Variants in IL1RAPL1 observed in about 807,000 individuals in gnomAD.
The protein encoded by IL1RAPL1 is interleukin 1 receptor accessory protein like 1, also known as interleukin-1 receptor accessory protein-like 1.
A neutral mutation model predicts 48.4 loss-of-function variants in IL1RAPL1; 3 were observed. That is an observed-to-expected ratio of 0.06 (90% CI 0.03 to 0.16). The LOEUF (loss-of-function observed/expected upper bound fraction) is 0.16, where lower values mean the gene tolerates loss of function less well. Ranked by LOEUF, IL1RAPL1 falls within the 10% of genes least tolerant of loss-of-function variation. The pLI, the probability that IL1RAPL1 is intolerant of heterozygous loss-of-function variation, is 1.00. For synonymous variants in IL1RAPL1, 185 were observed against 187.7 expected (o/e 0.99, Z 0.12); for missense variants, 349 against 530.6 (o/e 0.66, Z 3.36).
intron 6 of IL1RAPL1, among the ~76,000 whole-genome samples, chrX:29,728,561 T>A (rs772410802): frequency 4.8e-4 from 54 of 112,311 alleles, no homozygotes; most frequent in Non-Finnish European, 9.4e-4. Flanking sequence ...GGCACTGTGC[T>A]GCTTTACAGA....
At chrX:29,112,087 G>T (rs1287690807) in intron 2 of IL1RAPL1, among the ~76,000 whole-genome samples, 7 of 108,465 alleles carry the variant, frequency 6.5e-5, no homozygotes, top group African/African-American at 2.3e-4. Context: ...GCACCACCAC[G>T]CCCGGCTAAT....
chrX:28,835,688 C>T (rs190572561), intron 2 of IL1RAPL1, among the ~76,000 whole-genome samples: 364 of 110,945 alleles, frequency 3.3e-3, no homozygotes, highest in Middle Eastern at 0.033. Context: ...TGCAATAAAC[C>T]GCCATTTTTG....
At chrX:29,794,571 G>A (rs1032987211) in intron 6 of IL1RAPL1, among the ~76,000 whole-genome samples, 11 of 110,449 alleles carry the variant, frequency 1.0e-4, no homozygotes, top group Admixed American at 7.6e-4. Context: ...CGCAAATAGG[G>A]CACAAAAGCA....
intron 6 of IL1RAPL1, among the ~76,000 whole-genome samples, chrX:29,861,455 T>A (rs1461364112): frequency 9.0e-6 from 1 of 111,587 alleles, no homozygotes; most frequent in Non-Finnish European, 1.9e-5. Flanking sequence ...AGAAGCCAAG[T>A]AATGCTTTAA....
chrX:28,593,798 CG>C (rs1436363070), intron 1 of IL1RAPL1, among the ~76,000 whole-genome samples: 1 of 110,763 alleles, frequency 9.0e-6, no homozygotes, highest in African/African-American at 3.3e-5. Context: ...CTAATCAAAA[CG>C]AGTTACCTTA....
chrX:29,806,908 C>T (rs1371986626), intron 6 of IL1RAPL1, among the ~76,000 whole-genome samples: 1 of 110,082 alleles, frequency 9.1e-6, no homozygotes, highest in Admixed American at 9.8e-5. Context: ...GTGGCACCTC[C>T]TCCTGCACTT....
intron 1 of IL1RAPL1, among the ~76,000 whole-genome samples, chrX:28,738,152 T>C (rs1935867155): frequency 9.2e-6 from 1 of 109,287 alleles, no homozygotes; most frequent in Non-Finnish European, 1.9e-5. Context: ...TAAATAACTC[T>C]TCCAAATATC....
At chrX:28,629,774 A>G (rs7881481) in intron 1 of IL1RAPL1, among the ~76,000 whole-genome samples, 9,353 of 111,178 alleles carry the variant, frequency 0.084, 323 homozygotes, top group African/African-American at 0.14. Flanking sequence ...TTCCTGGCCC[A>G]TTACAGAAAC....
At chrX:29,367,181 A>G (rs915142635) in intron 3 of IL1RAPL1, among the ~76,000 whole-genome samples, 6 of 111,616 alleles carry the variant, frequency 5.4e-5, no homozygotes, top group African/African-American at 2.0e-4. Flanking sequence ...TGTTTGTTTA[A>G]TCAGTTCATC....
intron 2 of IL1RAPL1, among the ~76,000 whole-genome samples, chrX:28,796,074 G>A (rs367940544): frequency 9.9e-5 from 11 of 111,437 alleles, no homozygotes; most frequent in East Asian, 5.7e-4. Flanking sequence ...GGAAATTCCC[G>A]TTTTCAAAAC....
intron 5 of IL1RAPL1, among the ~76,000 whole-genome samples, chrX:29,449,943 C>T (rs1934660232): frequency 9.3e-6 from 1 of 107,470 alleles, no homozygotes; most frequent in South Asian, 4.0e-4. Context: ...AAAAAACAGT[C>T]AGGAGAAGAA....
At chrX:29,172,398 G>C (rs1215524872) in intron 2 of IL1RAPL1, among the ~76,000 whole-genome samples, 2 of 111,363 alleles carry the variant, frequency 1.8e-5, no homozygotes, top group Admixed American at 1.9e-4. Context: ...TCAGGAGTTG[G>C]AGCCCAGCAA....
At chrX:29,277,974 T>A (rs1349278031) in intron 2 of IL1RAPL1, among the ~76,000 whole-genome samples, 1 of 112,041 alleles carries the variant, frequency 8.9e-6, no homozygotes, top group African/African-American at 3.2e-5. Flanking sequence ...TTTCCATTTG[T>A]GGCATCATGT....
chrX:29,872,080 T>C (rs1291834000), intron 6 of IL1RAPL1, among the ~76,000 whole-genome samples: 1 of 111,734 alleles, frequency 8.9e-6, no homozygotes, highest in Non-Finnish European at 1.9e-5. Flanking sequence ...CCTTGCAAAT[T>C]TGTTCCCATT....
In IL1RAPL1 at chrX:29,232,542, CA is replaced by C. The variant is rs1032318051; in HGVS notation, c.83-50391del. 2.7e-5 allele frequency among the ~76,000 whole-genome samples: 3 copies of C among 111,827 alleles called. No homozygotes were observed. The Admixed American group carries it at 2.8e-4, about 11-fold the overall frequency. ...TGCCTTGGGCAGATTAGGGCATTGC[CA>C]AAAATCAACATCATGCTACTTACAT... On this transcript the variant is annotated intron_variant, in intron 2 of 10. Transcript: ENST00000378993.
intron 1 of IL1RAPL1, among the ~76,000 whole-genome samples, chrX:28,766,394 T>C (rs1936239117): frequency 9.0e-6 from 1 of 110,697 alleles, no homozygotes; most frequent in African/African-American, 3.3e-5. Context: ...AAAAAAATTA[T>C]TATTTTTAGT....
At chrX:29,724,847 C>T (rs1248721868) in intron 6 of IL1RAPL1, among the ~76,000 whole-genome samples, 3 of 112,018 alleles carry the variant, frequency 2.7e-5, no homozygotes, top group Non-Finnish European at 3.8e-5. Flanking sequence ...GTAAGCATGA[C>T]ATAATATTAT....
intron 3 of IL1RAPL1, among the ~76,000 whole-genome samples, chrX:29,299,178 C>T (rs972966102): frequency 1.8e-5 from 2 of 111,243 alleles, no homozygotes; most frequent in African/African-American, 3.3e-5. Flanking sequence ...TTTTGGGACT[C>T]GGGCTGGCTC....
chrX:28,943,450 G>A (rs1366265370), intron 2 of IL1RAPL1, among the ~76,000 whole-genome samples: 1 of 110,095 alleles, frequency 9.1e-6, no homozygotes, highest in Non-Finnish European at 1.9e-5. Context: ...CTTAAAATGA[G>A]AGAAGTAGAT....
Sources: allele counts gnomAD v4.1 joint callset (sites outside exome capture counted in the v4.1 genomes callset), GRCh38; gene constraint gnomAD v4.1.1; transcripts MANE v1.5; gene names NCBI Gene and HGNC (gene_info 2026-07-23, HGNC 2026-07-21).